CACNA2D1: variants seen among roughly 807,000 people sequenced by gnomAD.
CACNA2D1 encodes the protein calcium voltage-gated channel auxiliary subunit alpha2delta 1, also known as voltage-dependent calcium channel subunit alpha-2/delta-1.
CACNA2D1 carries 53 observed loss-of-function variants against 171.5 expected under a neutral mutation model. The observed-to-expected ratio is 0.31, with a 90% CI of 0.25 to 0.39. The LOEUF (loss-of-function observed/expected upper bound fraction) is 0.39, where lower values mean the gene tolerates loss of function less well. CACNA2D1 is among the 10% of genes least tolerant of loss of function. CACNA2D1 has a pLI of 1.00. For synonymous variants in CACNA2D1, 442 were observed against 443.1 expected (o/e 1.00, Z 0.03); for missense variants, 903 against 1,299.8 (o/e 0.69, Z 4.69).
At chr7:82,349,694 A>G in intron 1 of CACNA2D1, 45 bp from the exon 2 acceptor site, 1 of 1,425,042 alleles carries the variant, frequency 7.0e-7, no homozygotes, top group Non-Finnish European at 9.9e-7. Context: ...TCTCTGGCAA[A>G]TAAAAGTCAC....
chr7:82,230,800 T>C (rs1329445977), intron 3 of CACNA2D1, among the ~76,000 whole-genome samples: 1 of 152,094 alleles, frequency 6.6e-6, no homozygotes, highest in Admixed American at 6.5e-5. Context: ...TCTCTGAGAA[T>C]ACCAGTATAA....
chr7:82,173,978 A>G (rs1467025723), intron 3 of CACNA2D1, among the ~76,000 whole-genome samples: 1 of 148,212 alleles, frequency 6.7e-6, no homozygotes. Context: ...AGGAGTTCAA[A>G]GTTACAGTGA....
At chr7:82,191,880 C>T (rs763826134) in intron 3 of CACNA2D1, among the ~76,000 whole-genome samples, 12 of 151,656 alleles carry the variant, frequency 7.9e-5, no homozygotes, top group Non-Finnish European at 1.0e-4. Context: ...TAATGAGATA[C>T]GCTTTTCTCT....
intron 12 of CACNA2D1, chr7:82,027,558 T>C (rs1031079155): frequency 1.3e-5 from 2 of 151,736 alleles, no homozygotes; most frequent in African/African-American, 4.8e-5. Flanking sequence ...CCTATAATAA[T>C]GTATAAGGTC....
intron 1 of CACNA2D1, among the ~76,000 whole-genome samples, chr7:82,388,597 G>A (rs527721769): frequency 7.2e-5 from 11 of 152,308 alleles, no homozygotes; most frequent in African/African-American, 1.9e-4. Flanking sequence ...CCAAACTTGC[G>A]GTTCCAGTTG....
rs146833935 is a variant in CACNA2D1 at position 81,950,039 on chromosome 7, C to A, written c.*353G>T. On this transcript the variant is annotated 3_prime_UTR_variant, in exon 39 of 39. Coordinates refer to ENST00000356860, the MANE Select transcript of CACNA2D1 (RefSeq NM_000722.4). ...ATTGCAGCAAGTCAAAATTCCAGGT[C>A]AATATCAAGACATTTCTTATGGTTC... 3.6e-3 allele frequency: 729 copies of A among 201,058 alleles called. No individual in the cohort carries two copies. The highest frequency in any genetic ancestry group is 4.6e-3 in the Non-Finnish European group (454 of 99,580). 12.5% of individuals were successfully genotyped at this position (201,058 alleles called of 1,614,324 possible).
intron 3 of CACNA2D1, among the ~76,000 whole-genome samples, chr7:82,207,120 C>T (rs1800081504): frequency 6.6e-6 from 1 of 152,150 alleles, no homozygotes. Context: ...CCACTAAATG[C>T]CACCAGGTTT....
chr7:82,152,585 G>A (rs1180097247), intron 4 of CACNA2D1, among the ~76,000 whole-genome samples: 1 of 151,820 alleles, frequency 6.6e-6, no homozygotes, highest in Non-Finnish European at 1.5e-5. Flanking sequence ...CATTTATATG[G>A]ATTTTACATT....
intron 1 of CACNA2D1, among the ~76,000 whole-genome samples, chr7:82,365,226 A>G (rs1585667746): frequency 6.6e-6 from 1 of 152,306 alleles, no homozygotes; most frequent in South Asian, 2.1e-4. Flanking sequence ...ACTTTTGCAC[A>G]TTAAAAAAAA....
chr7:82,362,294 T>C (rs1821160130), intron 1 of CACNA2D1, among the ~76,000 whole-genome samples: 2 of 152,160 alleles, frequency 1.3e-5, no homozygotes, highest in African/African-American at 2.4e-5. Flanking sequence ...CATCCCAACG[T>C]AGATTTCAAC....
intron 3 of CACNA2D1, among the ~76,000 whole-genome samples, chr7:82,262,926 G>T (rs1438044250): frequency 6.6e-6 from 1 of 152,002 alleles, no homozygotes; most frequent in Non-Finnish European, 1.5e-5. Context: ...GAGAATCTGA[G>T]CAAATGGGCC....
intron 4 of CACNA2D1, among the ~76,000 whole-genome samples, chr7:82,162,453 G>A (rs1301323145): frequency 6.6e-6 from 1 of 151,970 alleles, no homozygotes; most frequent in Admixed American, 6.6e-5. Context: ...ACTATCCACA[G>A]AAGGCATGAG....
intron 36 of CACNA2D1, among the ~76,000 whole-genome samples, 162 bp downstream of exon 36, chr7:81,961,732 G>A (rs1161945195): frequency 6.6e-6 from 1 of 151,918 alleles, no homozygotes; most frequent in Admixed American, 6.6e-5. Flanking sequence ...ACTAAAGATT[G>A]CTGACATTTT....
chr7:82,170,709 AAGC>A, intron 3 of CACNA2D1, 100 bp from the exon 4 acceptor site: 1 of 1,017,998 alleles, frequency 9.8e-7, no homozygotes, highest in African/African-American at 1.6e-5. Flanking sequence ...AGGACATAAA[AAGC>A]AGAAGATGAT....
chr7:82,130,887 C>T (rs1157545932), intron 5 of CACNA2D1, among the ~76,000 whole-genome samples: 3 of 150,272 alleles, frequency 2.0e-5, no homozygotes, highest in African/African-American at 7.4e-5. Flanking sequence ...AGCTCCACCT[C>T]CCGGGTTCAC....
At chr7:82,120,454 A>G (rs937746983) in intron 5 of CACNA2D1, among the ~76,000 whole-genome samples, 36 of 152,214 alleles carry the variant, frequency 2.4e-4, no homozygotes, top group African/African-American at 8.7e-4. Flanking sequence ...GCCTTAAGGC[A>G]TGGCATCACG....
chr7:82,154,524 G>A (rs1794174117), intron 4 of CACNA2D1, among the ~76,000 whole-genome samples: 1 of 152,040 alleles, frequency 6.6e-6, no homozygotes, highest in Non-Finnish European at 1.5e-5. Context: ...AATAGGTGCA[G>A]CAAACCACTA....
At chr7:82,391,942 T>C (rs767590947) in intron 1 of CACNA2D1, among the ~76,000 whole-genome samples, 3 of 152,170 alleles carry the variant, frequency 2.0e-5, no homozygotes, top group Non-Finnish European at 4.4e-5. Flanking sequence ...CATTTGAAAA[T>C]ATTGCTGTGA....
intron 3 of CACNA2D1, among the ~76,000 whole-genome samples, chr7:82,181,040 G>GCTT (rs1797073500): frequency 4.4e-5 from 2 of 45,946 alleles, no homozygotes; most frequent in Non-Finnish European, 1.0e-4. Flanking sequence ...GGGCATGTCG[G>GCTT]ATTTTTTTTT....
Sources: gnomAD v4.1 joint callset for allele counts (sites outside exome capture counted in the v4.1 genomes callset) on GRCh38, gnomAD v4.1.1 for gene constraint, MANE v1.5 for transcripts, NCBI Gene and HGNC (gene_info 2026-07-23, HGNC 2026-07-21) for gene names.